SULT6B1: variants seen among roughly 807,000 people sequenced by gnomAD.
The protein encoded by SULT6B1 is sulfotransferase family 6B member 1, also known as sulfotransferase 6B1.
A neutral mutation model predicts 37.2 loss-of-function variants in SULT6B1; 44 were observed. The ratio of observed to expected loss-of-function variants is 1.18; its 90% confidence interval spans 0.93 to 1.52. SULT6B1 has a LOEUF of 1.52. Among genes scored for constraint, SULT6B1 ranks in the 40% most tolerant of loss-of-function variants. The pLI is 0.00. For synonymous variants in SULT6B1, 140 were observed against 126.0 expected, an observed-to-expected ratio of 1.11 and a Z score of -0.74; for missense variants, 450 against 361.0, an observed-to-expected ratio of 1.25 and a Z score of -2.00.
chr2:37,180,989 A>G (rs1676537324), intron 3 of SULT6B1, among the ~76,000 whole-genome samples: 1 of 152,184 alleles, frequency 6.6e-6, no homozygotes, highest in East Asian at 1.9e-4. Flanking sequence ...TGGCTGGGTA[A>G]TAGTTAATGT....
chr2:37,169,910 C>G (rs1676258664), intron 6 of SULT6B1, among the ~76,000 whole-genome samples: 2 of 152,176 alleles, frequency 1.3e-5, no homozygotes, highest in Non-Finnish European at 2.9e-5. Flanking sequence ...CTCTACATCT[C>G]ATTATTTCAT....
chr2:37,174,513 C>T (rs919500204), intron 5 of SULT6B1, among the ~76,000 whole-genome samples: 1 of 152,082 alleles, frequency 6.6e-6, no homozygotes, highest in Non-Finnish European at 1.5e-5. Context: ...TCATATTTTA[C>T]ACTGGAATTT....
At chr2:37,173,680 T>G (rs1028315615) in intron 5 of SULT6B1, among the ~76,000 whole-genome samples, 99 of 152,182 alleles carry the variant, frequency 6.5e-4, no homozygotes, top group African/African-American at 2.2e-3. Flanking sequence ...CTTCTCTCCT[T>G]GTCTTGCCAC....
At chr2:37,179,434 T>A (rs1676501755) in intron 4 of SULT6B1, 24 bp downstream of exon 4, 2 of 1,612,290 alleles carry the variant, frequency 1.2e-6, no homozygotes, top group African/African-American at 1.3e-5. Flanking sequence ...CAAGTAAGAA[T>A]AATTCTTTTA....
intron 2 of SULT6B1, among the ~76,000 whole-genome samples, chr2:37,184,500 A>G (rs1252328829): frequency 6.6e-6 from 1 of 152,234 alleles, no homozygotes; most frequent in Admixed American, 6.5e-5. Flanking sequence ...CAGGGAAGTA[A>G]GGCTTCAAGT....
intron 5 of SULT6B1, among the ~76,000 whole-genome samples, chr2:37,173,823 G>A (rs1042066086): frequency 3.9e-5 from 6 of 152,138 alleles, no homozygotes; most frequent in Admixed American, 6.5e-5. Flanking sequence ...CTGGACTATT[G>A]CAGTGCCCTC....
intron 4 of SULT6B1, among the ~76,000 whole-genome samples, chr2:37,178,064 C>T (rs776424547): frequency 2.6e-5 from 4 of 151,980 alleles, no homozygotes; most frequent in East Asian, 1.9e-4. Context: ...TTTTTTGAGA[C>T]GGAGTTTCTC....
intron 5 of SULT6B1, among the ~76,000 whole-genome samples, chr2:37,171,947 C>T (rs1242872880): frequency 2.0e-5 from 3 of 151,898 alleles, no homozygotes; most frequent in Non-Finnish European, 4.4e-5. Context: ...TTAATGTATT[C>T]CTATGTGCTC....
At position 37,183,323 on chromosome 2, in the gene SULT6B1, T is replaced by G. The variant is rs570116896; in HGVS notation, c.402+102A>C. 28 of 903,526 alleles carry G rather than the reference T, an allele frequency of 3.1e-5. No homozygotes were observed. In the South Asian group the frequency reaches 4.3e-4, roughly 14 times the overall value. The allele number at this position is 903,526 out of a possible 1,614,324, so 56.0% of individuals were successfully genotyped here. On this transcript the variant is annotated intron_variant, in intron 3 of 6. Coordinates refer to ENST00000535679, the MANE Select transcript of SULT6B1 (RefSeq NM_001367551.1). ...AAAAAACTAAATGTCACAGTTCATT[T>G]ATTAAGCTTCTATGAGAAGGAACAA...
intron 5 of SULT6B1, among the ~76,000 whole-genome samples, chr2:37,173,830 C>T (rs1676356886): frequency 6.6e-6 from 1 of 152,206 alleles, no homozygotes; most frequent in Admixed American, 6.5e-5. Flanking sequence ...ATTGCAGTGC[C>T]CTCTTTACAG....
At chr2:37,178,976 T>G (rs1572459875) in intron 4 of SULT6B1, among the ~76,000 whole-genome samples, 1 of 151,166 alleles carries the variant, frequency 6.6e-6, no homozygotes, top group East Asian at 2.0e-4. Context: ...TTTGTTTGTT[T>G]TTTTGAGACA....
At chr2:37,194,897 T>TTTCC (rs376397934) in intron 1 of SULT6B1, among the ~76,000 whole-genome samples, 1,333 of 68,410 alleles carry the variant, frequency 0.019, 27 homozygotes, top group Non-Finnish European at 0.029. Context: ...TCCTTCCTTC[T>TTTCC]TTCCTTCCTT....
At chr2:37,171,615 A>G in intron 5 of SULT6B1, 25 bp from the exon 6 acceptor site, 1 of 1,607,086 alleles carries the variant, frequency 6.2e-7, no homozygotes, top group Non-Finnish European at 8.5e-7. Context: ...TCTTAAAGAT[A>G]AATTTCTTCC....
chr2:37,168,691 T>C (rs1362934419), intron 6 of SULT6B1, among the ~76,000 whole-genome samples: 2 of 152,216 alleles, frequency 1.3e-5, no homozygotes, highest in Non-Finnish European at 2.9e-5. Flanking sequence ...TTAAATACCC[T>C]TTGAAAGTTA....
chr2:37,194,506 C>T (rs1676852493), intron 1 of SULT6B1: 1 of 389,800 alleles, frequency 2.6e-6, no homozygotes, highest in South Asian at 2.1e-5. Context: ...ACGGGACATT[C>T]CTTATTCCTT....
At chr2:37,183,649 A>C in intron 2 of SULT6B1, 135 bp from the exon 3 acceptor site, 1 of 642,066 alleles carries the variant, frequency 1.6e-6, no homozygotes, top group Non-Finnish European at 2.7e-6. Context: ...TCCTCCTCCA[A>C]TTTTTCTTTT....
At chr2:37,191,719 G>C (rs1676784125), upstream of SULT6B1, among the ~76,000 whole-genome samples, 1 of 152,198 alleles carries the variant, frequency 6.6e-6, no homozygotes, top group Non-Finnish European at 1.5e-5. Flanking sequence ...AGCCCCCTTA[G>C]CCTGAAGGTG....
At chr2:37,187,679 A>C (rs1676704226) in intron 1 of SULT6B1, among the ~76,000 whole-genome samples, 1 of 152,244 alleles carries the variant, frequency 6.6e-6, no homozygotes, top group Non-Finnish European at 1.5e-5. Context: ...AATTCAACTG[A>C]GAACAGATGG....
intron 3 of SULT6B1, 33 bp from the exon 4 acceptor site, chr2:37,179,617 G>T: frequency 2.5e-6 from 4 of 1,602,562 alleles, no homozygotes; most frequent in Non-Finnish European, 3.4e-6. Flanking sequence ...ATTTATTTGG[G>T]TCTATGTTTT....
Sources: gnomAD v4.1 joint callset for allele counts (sites outside exome capture counted in the v4.1 genomes callset) on GRCh38, gnomAD v4.1.1 for gene constraint, MANE v1.5 for transcripts, NCBI Gene and HGNC (gene_info 2026-07-23, HGNC 2026-07-21) for gene names.